ANKEF1: variants seen among roughly 807,000 people sequenced by gnomAD.
ANKEF1 encodes the protein ankyrin repeat and EF-hand domain-containing protein 1.
ANKEF1 carries 43 observed loss-of-function variants against 65.1 expected under a neutral mutation model. The ratio of observed to expected loss-of-function variants is 0.66; its 90% CI spans 0.52 to 0.85. The LOEUF (loss-of-function observed/expected upper bound fraction) is 0.85, where lower values mean the gene tolerates loss of function less well. ANKEF1 is among the 40% of genes least tolerant of loss of function. The pLI, the probability that ANKEF1 is intolerant of heterozygous loss-of-function variation, is 0.00. For synonymous variants in ANKEF1, 316 were observed against 341.5 expected (o/e 0.93, Z 0.82); for missense variants, 934 against 952.9 (o/e 0.98, Z 0.26).
At position 10,048,908 on chromosome 20, in the gene ANKEF1, G is replaced by A. The variant is rs146056732; in HGVS notation, c.821-482G>A. The stretch of plus-strand genomic sequence containing the variant: ...AATTACATTATTTAATGAAGAATAC[G>A]GAAAAAATATACTTAAAATTATACA... On this transcript the variant is annotated intron_variant, in intron 6 of 10. Coordinates refer to ENST00000378392, the MANE Select transcript of ANKEF1 (RefSeq NM_022096.6). 5.4e-3 allele frequency among the ~76,000 whole-genome samples: 821 copies of A among 152,024 alleles called. 6 individuals are homozygous for A. Among genetic ancestry groups the A allele is most frequent in the African/African-American group, 0.019 (786 of 41,458 alleles).
intron 5 of ANKEF1, among the ~76,000 whole-genome samples, chr20:10,044,869 T>C (rs1984417505): frequency 6.6e-6 from 1 of 152,164 alleles, no homozygotes; most frequent in Non-Finnish European, 1.5e-5. Context: ...CTTCAAAATA[T>C]AATATGATCT....
Position 10,038,256 on chromosome 20 carries a change from A to C in ANKEF1, c.-44-2A>C. The C allele has an allele frequency of 1.6e-6, 2 of 1,259,786 alleles. No individual in the cohort carries two copies. The highest frequency in any genetic ancestry group is 2.1e-6 in the Non-Finnish European group (2 of 950,440). 78.0% of individuals were successfully genotyped at this position (1,259,786 alleles called of 1,614,324 possible). A position where few individuals can be genotyped will look rare whatever the true frequency, so the allele number is the denominator to read the frequency against. On this transcript the variant is annotated splice_acceptor_variant, in intron 2 of 10. Transcript: ENST00000378392. LOFTEE classifies it low-confidence loss of function (5UTR_SPLICE). ...AGTTATTTTTCTTTTTTGTTGCTTCAGCTTTAGTTTTGGTCCAGAAAGCAT... is the reference window on the plus strand; with the variant it reads ...AGTTATTTTTCTTTTTTGTTGCTTCCGCTTTAGTTTTGGTCCAGAAAGCAT...
chr20:10,050,597 AC>A (rs1322269175), intron 7 of ANKEF1, among the ~76,000 whole-genome samples: 2,035 of 141,586 alleles, frequency 0.014, 44 homozygotes, highest in African/African-American at 0.051. Flanking sequence ...TATATGGGAA[AC>A]CAGGATAATG....
chr20:10,047,554 C>T (rs144180492), intron 6 of ANKEF1, among the ~76,000 whole-genome samples: 167 of 152,320 alleles, frequency 1.1e-3, no homozygotes, highest in African/African-American at 3.8e-3. Context: ...CACATTTCCT[C>T]ATGATGGTCC....
chr20:10,037,633 G>A (rs1983936420), intron 2 of ANKEF1, among the ~76,000 whole-genome samples: 1 of 152,182 alleles, frequency 6.6e-6, no homozygotes, highest in Non-Finnish European at 1.5e-5. Flanking sequence ...ACCTAGCATG[G>A]CCTGCTACTC....
chr20:10,048,219 ATG>A (rs140100391), intron 6 of ANKEF1, among the ~76,000 whole-genome samples: 220 of 149,698 alleles, frequency 1.5e-3, no homozygotes, highest in East Asian at 2.5e-3. Context: ...TAGTATAAAA[ATG>A]TGTGTGTGTG....
At chr20:10,038,860 G>T (rs949846094) in intron 3 of ANKEF1, among the ~76,000 whole-genome samples, 3 of 152,188 alleles carry the variant, frequency 2.0e-5, no homozygotes, top group Non-Finnish European at 4.4e-5. Flanking sequence ...ATGAGAGCTT[G>T]CTCATATACT....
At chr20:10,049,340 C>T (rs1984695180) in intron 6 of ANKEF1, 50 bp from the exon 7 acceptor site, 1 of 1,500,506 alleles carries the variant, frequency 6.7e-7, no homozygotes, top group Non-Finnish European at 9.0e-7. Flanking sequence ...CACTTATAGC[C>T]ATGCAAATGC....
chr20:10,052,501 T>G (rs893007638), intron 8 of ANKEF1, among the ~76,000 whole-genome samples: 7 of 152,240 alleles, frequency 4.6e-5, no homozygotes, highest in East Asian at 3.9e-4. Flanking sequence ...AAAAAATCAT[T>G]TGAATATATT....
intron 6 of ANKEF1, among the ~76,000 whole-genome samples, chr20:10,046,948 A>G (rs770352686): frequency 6.6e-6 from 1 of 152,234 alleles, no homozygotes; most frequent in Non-Finnish European, 1.5e-5. Flanking sequence ...AAAAAAATAT[A>G]TCAAATGCAA....
Position 10,055,500 on chromosome 20 carries a change from A to G in ANKEF1, c.2173-2A>G, listed in dbSNP as rs756841267. 25 of 1,612,806 alleles carry G rather than the reference A, an allele frequency of 1.6e-5. No individual in the cohort carries two copies. Among genetic ancestry groups the G allele is most frequent in the Non-Finnish European group, 2.1e-5 (25 of 1,179,382 alleles). On this transcript the variant is annotated splice_acceptor_variant, in intron 10 of 10. Coordinates refer to ENST00000378392, the MANE Select transcript of ANKEF1 (RefSeq NM_022096.6). LOFTEE classifies it high-confidence loss of function. ...TGGGGTATGGCTATTTTTCTTTTTA[A>G]GATTTGGAGTCCTGAAGCCACAACA...
rs149772572 is a variant in ANKEF1, at chr20:10,055,588, C to T, written c.2259C>T (p.Asp753=). The T allele has an allele frequency of 7.4e-6, 12 of 1,613,606 alleles. No homozygotes were observed. Among genetic ancestry groups the T allele is most frequent in the Middle Eastern group, 1.6e-4 (1 of 6,078 alleles). ...RERFTHEVDF[D]DFMMPFQKNI... Reference sequence around the variant, plus strand: ...GGTTTACACATGAGGTGGACTTCGACGATTTTATGATGCCTTTTCAGAAGA... The same window carrying T: ...GGTTTACACATGAGGTGGACTTCGATGATTTTATGATGCCTTTTCAGAAGA... The change falls in exon 11 of 11, where the codon GAC becomes GAT. Residue 753 remains aspartate, a synonymous_variant. Transcript: ENST00000378392.
At chr20:10,036,797 G>C (rs1435014588) in intron 2 of ANKEF1, among the ~76,000 whole-genome samples, 1 of 152,184 alleles carries the variant, frequency 6.6e-6, no homozygotes, top group East Asian at 1.9e-4. Flanking sequence ...AGCCGAGATT[G>C]TGCCACTACA....
At chr20:10,039,043 A>G (rs1429094274) in intron 3 of ANKEF1, among the ~76,000 whole-genome samples, 1 of 152,236 alleles carries the variant, frequency 6.6e-6, no homozygotes. Flanking sequence ...TAGGACTCCA[A>G]AAGGATTTTG....
intron 2 of ANKEF1, among the ~76,000 whole-genome samples, chr20:10,036,652 G>T (rs1028432283): frequency 4.6e-5 from 7 of 152,178 alleles, no homozygotes; most frequent in African/African-American, 1.7e-4. Flanking sequence ...GATCAGCCTG[G>T]CCAACATGGT....
rs1207728682 is a variant in ANKEF1 at position 10,057,330 on chromosome 20, C to A, written c.*1670C>A. ...TGCTTACAAGCATTGCATTTGGATCCCAAGATTTGCTATTACAACTAAATT... is the reference window on the plus strand; with the variant it reads ...TGCTTACAAGCATTGCATTTGGATCACAAGATTTGCTATTACAACTAAATT... On this transcript the variant is annotated 3_prime_UTR_variant, in exon 11 of 11. Transcript: ENST00000378392. 2 of 152,098 alleles carry A rather than the reference C, an allele frequency of 1.3e-5. No homozygotes were observed. Among genetic ancestry groups the A allele is most frequent in the African/African-American group, 4.8e-5 (2 of 41,392 alleles). 9.4% of individuals were successfully genotyped at this position (152,098 alleles called of 1,614,324 possible).
chr20:10,035,152 C>G lies in ANKEF1; in HGVS notation c.-290C>G, dbSNP rs1983761213. Reference sequence around the variant, plus strand: ...CTGTCCCGCGCGCCAGCTCACCAGCCCTACCCAAGGGACATCATTCACGCC... The same window carrying G: ...CTGTCCCGCGCGCCAGCTCACCAGCGCTACCCAAGGGACATCATTCACGCC... On this transcript the variant is annotated 5_prime_UTR_variant, in exon 1 of 11. Coordinates refer to ENST00000378392, the MANE Select transcript of ANKEF1 (RefSeq NM_022096.6). 3 of 152,598 alleles carry G rather than the reference C, an allele frequency of 2.0e-5. No homozygotes were observed. The highest frequency in any genetic ancestry group is 2.0e-4 in the Admixed American group (3 of 15,294). The allele number at this position is 152,598 out of a possible 1,614,324, so 9.5% of individuals were successfully genotyped here.
At chr20:10,039,843 AAAT>A (rs1984068210) in intron 3 of ANKEF1, among the ~76,000 whole-genome samples, 2 of 152,296 alleles carry the variant, frequency 1.3e-5, no homozygotes, top group Non-Finnish European at 1.5e-5. Flanking sequence ...TTTGACCACA[AAAT>A]AATTTTTTTT....
At chr20:10,038,747 A>T in intron 3 of ANKEF1, 100 bp downstream of exon 3, 1 of 935,496 alleles carries the variant, frequency 1.1e-6, no homozygotes, top group South Asian at 1.8e-5. Flanking sequence ...GAAGTGAATT[A>T]CTTATGGTTT....
Sources: gnomAD v4.1 joint callset for allele counts (sites outside exome capture counted in the v4.1 genomes callset) on GRCh38, gnomAD v4.1.1 for gene constraint, MANE v1.5 for transcripts, NCBI Gene and HGNC (gene_info 2026-07-23, HGNC 2026-07-21) for gene names.